The following SNTG1 variants were observed in gnomAD, a reference collection of about 807,000 sequenced individuals.
SNTG1 encodes the protein gamma-1-syntrophin.
A neutral mutation model predicts 74.7 loss-of-function variants in SNTG1; 39 were observed. That is an observed-to-expected ratio of 0.52 (90% CI 0.40 to 0.68). The LOEUF is 0.68. Ranked by LOEUF, SNTG1 falls within the 30% of genes least tolerant of loss-of-function variation. The pLI, the probability that SNTG1 is intolerant of heterozygous loss-of-function variation, is 0.00. For synonymous variants in SNTG1, 254 were observed against 217.1 expected (o/e 1.17, Z -1.49); for missense variants, 685 against 609.5 (o/e 1.12, Z -1.30).
At chr8:50,256,733 A>G (rs540278423) in intron 2 of SNTG1, among the ~76,000 whole-genome samples, 1 of 152,250 alleles carries the variant, frequency 6.6e-6, no homozygotes, top group Non-Finnish European at 1.5e-5. Context: ...ATCAATGGAC[A>G]GACCCACTCC....
At position 50,450,697 on chromosome 8, in the gene SNTG1, A is replaced by T; in HGVS notation, c.331A>T (p.Ile111Phe). The change falls in exon 8 of 19, where the codon ATT becomes TTT. Residue 111 changes from isoleucine (I) to phenylalanine (F), a missense_variant. Physicochemically the swap from Ile to Phe is conservative, Grantham distance 21. Transcript: ENST00000642720. The part of the protein sequence containing the change: ...IGDAILQING[I>F]NVRKCRHEEV... ...TTTCTTTTCATTGCAGATAAATGGC[A>T]TTAATGTGAGAAAATGTAGACATGA... 1 of 1,613,456 alleles carries T rather than the reference A, an allele frequency of 6.2e-7. No individual in the cohort carries two copies. Among genetic ancestry groups the T allele is most frequent in the Non-Finnish European group, 8.5e-7 (1 of 1,179,748 alleles).
At chr8:50,411,442 C>T (rs2092947307) in intron 4 of SNTG1, among the ~76,000 whole-genome samples, 1 of 131,508 alleles carries the variant, frequency 7.6e-6, no homozygotes, top group African/African-American at 2.8e-5. Flanking sequence ...AGCAAGACTC[C>T]ATCTCAAAAA....
chr8:50,414,816 A>G (rs2092994386), intron 4 of SNTG1, among the ~76,000 whole-genome samples: 1 of 151,894 alleles, frequency 6.6e-6, no homozygotes, highest in Non-Finnish European at 1.5e-5. Flanking sequence ...GGCTTCTAAT[A>G]TCAGTCTCCC....
At chr8:50,362,976 G>A (rs1021652803) in intron 2 of SNTG1, among the ~76,000 whole-genome samples, 2 of 152,064 alleles carry the variant, frequency 1.3e-5, no homozygotes, top group Non-Finnish European at 1.5e-5. Flanking sequence ...GGAAGAGAAA[G>A]GATGGAAAAT....
intron 13 of SNTG1, among the ~76,000 whole-genome samples, chr8:50,595,072 T>G (rs1020500684): frequency 2.0e-5 from 3 of 151,302 alleles, no homozygotes; most frequent in African/African-American, 7.3e-5. Flanking sequence ...AGACAAAATA[T>G]TCTATTAATG....
intron 2 of SNTG1, among the ~76,000 whole-genome samples, chr8:50,191,273 T>G (rs2083563430): frequency 6.6e-6 from 1 of 152,170 alleles, no homozygotes; most frequent in African/African-American, 2.4e-5. Flanking sequence ...AAAACTAAGA[T>G]TTTATTGTAA....
chr8:50,240,401 T>C (rs1423594594), intron 2 of SNTG1, among the ~76,000 whole-genome samples: 2 of 152,214 alleles, frequency 1.3e-5, no homozygotes, highest in Admixed American at 6.5e-5. Flanking sequence ...ATAAATGACA[T>C]TTACTTAGCT....
At chr8:50,486,981 T>A (rs1259473128) in intron 8 of SNTG1, among the ~76,000 whole-genome samples, 3 of 152,240 alleles carry the variant, frequency 2.0e-5, no homozygotes, top group African/African-American at 7.2e-5. Context: ...TGAACCAGCC[T>A]TGCATCACAG....
At chr8:50,653,473 A>G (rs1025478942) in intron 13 of SNTG1, among the ~76,000 whole-genome samples, 27 of 152,084 alleles carry the variant, frequency 1.8e-4, no homozygotes, top group Admixed American at 7.9e-4. Context: ...CGTTTATTCT[A>G]TTTACCTGCT....
intron 13 of SNTG1, among the ~76,000 whole-genome samples, chr8:50,639,543 A>G (rs149828017): frequency 0.026 from 3,884 of 152,128 alleles, 80 homozygotes; most frequent in Middle Eastern, 0.041. Flanking sequence ...ATATTTGCCT[A>G]AAGTACTAAC....
intron 5 of SNTG1, among the ~76,000 whole-genome samples, chr8:50,446,379 C>CAAAAA (rs10679057): frequency 1.4e-5 from 2 of 145,806 alleles, no homozygotes; most frequent in Non-Finnish European, 3.0e-5. Context: ...AATTTAAAAG[C>CAAAAA]AAAAAAAAAA....
chr8:50,342,508 G>C (rs28616251), intron 2 of SNTG1, among the ~76,000 whole-genome samples: 9,944 of 152,126 alleles, frequency 0.065, 354 homozygotes, highest in African/African-American at 0.072. Context: ...AAAATGTTTT[G>C]CTAAGTAAGG....
intron 8 of SNTG1, among the ~76,000 whole-genome samples, chr8:50,474,530 C>T (rs1461632359): frequency 6.6e-6 from 1 of 152,084 alleles, no homozygotes; most frequent in Non-Finnish European, 1.5e-5. Context: ...CAATGAGATA[C>T]CACCTCACAC....
At chr8:50,597,286 T>C (rs2094734275) in intron 13 of SNTG1, among the ~76,000 whole-genome samples, 1 of 150,048 alleles carries the variant, frequency 6.7e-6, no homozygotes, top group African/African-American at 2.4e-5. Context: ...TATACATATA[T>C]ATATACACAC....
intron 13 of SNTG1, among the ~76,000 whole-genome samples, chr8:50,649,686 A>C (rs990563600): frequency 2.6e-5 from 4 of 152,172 alleles, no homozygotes; most frequent in Non-Finnish European, 4.4e-5. Context: ...ACTTTCTCTA[A>C]GTTGAATAAG....
intron 17 of SNTG1, among the ~76,000 whole-genome samples, chr8:50,738,509 A>G (rs2095534708): frequency 1.3e-5 from 2 of 152,170 alleles, no homozygotes; most frequent in Admixed American, 1.3e-4. Flanking sequence ...ATTCAATGCT[A>G]TCCTCATCCA....
intron 17 of SNTG1, among the ~76,000 whole-genome samples, chr8:50,744,435 A>G (rs1231747482): frequency 6.6e-6 from 1 of 152,038 alleles, no homozygotes; most frequent in Non-Finnish European, 1.5e-5. Context: ...GCAATATAAA[A>G]GAAACAACAT....
chr8:49,921,208 A>T (rs1173470930), intron 1 of SNTG1, among the ~76,000 whole-genome samples: 1 of 152,108 alleles, frequency 6.6e-6, no homozygotes, highest in Non-Finnish European at 1.5e-5. Flanking sequence ...TTCAAAAGTA[A>T]GAAAAAAATA....
chr8:50,781,069 C>T (rs543446418), intron 18 of SNTG1, among the ~76,000 whole-genome samples: 4 of 152,122 alleles, frequency 2.6e-5, no homozygotes, highest in Admixed American at 1.3e-4. Flanking sequence ...GTCTGAGAGA[C>T]AGTTTGTTAT....
Sources: gnomAD v4.1 joint callset for allele counts (sites outside exome capture counted in the v4.1 genomes callset) on GRCh38, gnomAD v4.1.1 for gene constraint, MANE v1.5 for transcripts, NCBI Gene and HGNC (gene_info 2026-07-23, HGNC 2026-07-21) for gene names.